CMIP: variants seen among roughly 807,000 people sequenced by gnomAD.
CMIP encodes the protein c-Maf inducing protein, also known as C-Maf-inducing protein.
CMIP carries 13 observed loss-of-function variants against 97.3 expected under a neutral mutation model. The ratio of observed to expected loss-of-function variants is 0.13; its 90% CI spans 0.09 to 0.21. The LOEUF is 0.21. CMIP is among the 10% of genes least tolerant of loss of function. The pLI, the probability that CMIP is intolerant of heterozygous loss-of-function variation, is 1.00. For synonymous variants in CMIP, 538 were observed against 436.3 expected, an observed-to-expected ratio of 1.23 and a Z score of -2.91; for missense variants, 847 against 1,024.9, an observed-to-expected ratio of 0.83 and a Z score of 2.37.
intron 1 of CMIP, among the ~76,000 whole-genome samples, chr16:81,541,054 G>C (rs879452876): frequency 6.6e-6 from 1 of 150,684 alleles, no homozygotes; most frequent in Non-Finnish European, 1.5e-5. Flanking sequence ...CCTCTGTTAA[G>C]TCTTGATGAC....
intron 1 of CMIP, among the ~76,000 whole-genome samples, chr16:81,446,793 G>A (rs1905873020): frequency 6.6e-6 from 1 of 152,134 alleles, no homozygotes; most frequent in African/African-American, 2.4e-5. Flanking sequence ...CATGCCCCAA[G>A]GAATGGGGAG....
intron 1 of CMIP, among the ~76,000 whole-genome samples, chr16:81,485,516 G>T (rs547095434): frequency 6.6e-6 from 1 of 152,274 alleles, no homozygotes; most frequent in South Asian, 2.1e-4. Flanking sequence ...TCTACAGTGT[G>T]GCCTGGGTGG....
chr16:81,564,772 A>C (rs57650666), intron 1 of CMIP, among the ~76,000 whole-genome samples: 1 of 152,192 alleles, frequency 6.6e-6, no homozygotes. Context: ...TCGGGCACAC[A>C]ATAGGTGTTC....
intron 3 of CMIP, among the ~76,000 whole-genome samples, chr16:81,646,267 G>C (rs1462406485): frequency 6.6e-6 from 1 of 151,118 alleles, no homozygotes; most frequent in East Asian, 1.9e-4. Context: ...TGGATGGATG[G>C]ATGGATGGAT....
chr16:81,456,694 C>G (rs2150733959), intron 1 of CMIP, among the ~76,000 whole-genome samples: 1 of 152,304 alleles, frequency 6.6e-6, no homozygotes, highest in Middle Eastern at 3.4e-3. Context: ...GGATTTGACC[C>G]CAGGCTGTCT....
At chr16:81,468,206 G>T (rs754308462) in intron 1 of CMIP, among the ~76,000 whole-genome samples, 2 of 152,200 alleles carry the variant, frequency 1.3e-5, no homozygotes, top group Non-Finnish European at 2.9e-5. Flanking sequence ...GGGCTGGGGA[G>T]GCAGAAGGCC....
intron 1 of CMIP, among the ~76,000 whole-genome samples, chr16:81,490,807 C>G (rs187635445): frequency 2.6e-5 from 4 of 152,138 alleles, no homozygotes; most frequent in Non-Finnish European, 4.4e-5. Flanking sequence ...ACATTCCAGA[C>G]AAGGAGAGCA....
chr16:81,475,842 C>G, intron 1 of CMIP, among the ~76,000 whole-genome samples: 1 of 152,010 alleles, frequency 6.6e-6, no homozygotes, highest in Non-Finnish European at 1.5e-5. Flanking sequence ...ACAAAATTAG[C>G]TGGGTGTGGT....
chr16:81,546,706 C>G (rs1377326796), intron 1 of CMIP, among the ~76,000 whole-genome samples: 1 of 152,136 alleles, frequency 6.6e-6, no homozygotes, highest in Non-Finnish European at 1.5e-5. Context: ...GTGCTGTTCA[C>G]TCATCATTCA....
intron 3 of CMIP, chr16:81,645,718 T>TGGGCTC: frequency 8.4e-7 from 1 of 1,196,386 alleles, no homozygotes. Context: ...TGGTGGGGCT[T>TGGGCTC]GGGCTCGGAT....
intron 1 of CMIP, among the ~76,000 whole-genome samples, chr16:81,460,925 T>G (rs908602045): frequency 3.3e-5 from 5 of 152,234 alleles, no homozygotes; most frequent in Non-Finnish European, 1.5e-5. Flanking sequence ...CTGTTGTATG[T>G]GATCGTTATG....
intron 1 of CMIP, among the ~76,000 whole-genome samples, chr16:81,455,444 A>G (rs1199603224): frequency 6.6e-6 from 1 of 152,196 alleles, no homozygotes; most frequent in Non-Finnish European, 1.5e-5. Context: ...TCCTGTTGGA[A>G]GGGGAGAGGG....
chr16:81,593,727 G>A (rs76627549), intron 1 of CMIP, among the ~76,000 whole-genome samples: 1,563 of 152,238 alleles, frequency 0.01, 29 homozygotes, highest in African/African-American at 0.035. Context: ...CTCACCCGGT[G>A]CCTGCCTGTA....
intron 1 of CMIP, among the ~76,000 whole-genome samples, chr16:81,489,128 G>A (rs1452982100): frequency 2.0e-5 from 3 of 152,160 alleles, no homozygotes; most frequent in Non-Finnish European, 2.9e-5. Flanking sequence ...AGGCCCAGCT[G>A]GTCCAAGGCC....
rs570464396 is a variant in CMIP, at chr16:81,453,856, C to T, written c.300+8315C>T. On this transcript the variant is annotated intron_variant, in intron 1 of 20. Transcript: ENST00000537098. The surrounding 1 kb of genome is among the most constrained non-coding windows in gnomAD (Gnocchi z 4.0). ...ACAGCCAAGCCGTTTGTAGATCTGG[C>T]CGCTTGGTTGGCTAGAACTCAGACA... Among the ~76,000 whole-genome samples the T allele has an allele frequency of 6.6e-6, 1 of 152,166 alleles. No individual in the cohort carries two copies. The highest frequency in any genetic ancestry group is 2.4e-5 in the African/African-American group (1 of 41,488).
chr16:81,629,641 G>A (rs557292794), intron 3 of CMIP, among the ~76,000 whole-genome samples: 156 of 152,304 alleles, frequency 1.0e-3, no homozygotes, highest in Non-Finnish European at 1.7e-3. Flanking sequence ...GTTCTCCTCC[G>A]AGGCTGCGTC....
intron 3 of CMIP, among the ~76,000 whole-genome samples, chr16:81,639,567 C>G (rs956065434): frequency 1.8e-4 from 28 of 152,212 alleles, no homozygotes; most frequent in African/African-American, 6.8e-4. Context: ...ATAGTGTGGC[C>G]TGCGTCAGGA....
Position 81,709,889 on chromosome 16 carries a change from C to T in CMIP, c.*90C>T. The T allele has an allele frequency of 1.9e-6, 2 of 1,072,786 alleles. No individual in the cohort carries two copies. The highest frequency in any genetic ancestry group is 1.3e-5 in the South Asian group (1 of 75,190). 66.5% of individuals were successfully genotyped at this position (1,072,786 alleles called of 1,614,324 possible). On this transcript the variant is annotated 3_prime_UTR_variant, in exon 21 of 21. Coordinates refer to ENST00000537098, the MANE Select transcript of CMIP (RefSeq NM_198390.3). The stretch of plus-strand genomic sequence containing the variant: ...CAGAGCAGCCGGTCCTGGGGTCCCA[C>T]CCTGGTGCCCTGGCTGTGAGATAGA...
intron 3 of CMIP, among the ~76,000 whole-genome samples, chr16:81,628,615 A>G (rs1217027596): frequency 6.6e-6 from 1 of 152,208 alleles, no homozygotes; most frequent in East Asian, 1.9e-4. Flanking sequence ...GAGTGAGTCC[A>G]GAACCTGGGA....
Sources: gnomAD v4.1 joint callset for allele counts (sites outside exome capture counted in the v4.1 genomes callset) on GRCh38, gnomAD v4.1.1 for gene constraint, Gnocchi (gnomAD v3.1) non-coding constraint, MANE v1.5 for transcripts, NCBI Gene and HGNC (gene_info 2026-07-23, HGNC 2026-07-21) for gene names.